ZNF138: variants seen among roughly 807,000 people sequenced by gnomAD.
ZNF138 encodes the protein zinc finger protein 138 (clone pHZ-32).
Under a neutral mutation model 33.0 loss-of-function variants are expected in ZNF138, and 33 were observed. The ratio of observed to expected loss-of-function variants is 1.00; its 90% CI spans 0.76 to 1.34. The LOEUF is 1.34. Among genes scored for constraint, ZNF138 ranks in the 40% most tolerant of loss-of-function variants. The pLI is 0.00. For synonymous variants in ZNF138, 139 were observed against 120.4 expected, an observed-to-expected ratio of 1.15 and a Z score of -1.01; for missense variants, 360 against 370.8, an observed-to-expected ratio of 0.97 and a Z score of 0.24.
At chr7:64,828,478 T>C (rs926421766) in intron 3 of ZNF138, among the ~76,000 whole-genome samples, 1 of 152,190 alleles carries the variant, frequency 6.6e-6, no homozygotes, top group Non-Finnish European at 1.5e-5. Flanking sequence ...TGAAGATTTA[T>C]GCTTATAGTT....
At chr7:64,839,961 A>G in the ZNF138 span, among the ~76,000 whole-genome samples, 8 of 151,958 alleles carry the variant, frequency 5.3e-5, no homozygotes, top group Admixed American at 3.3e-4. Context: ...GGTGCAGCGC[A>G]CTTTTATGGA....
intron 3 of ZNF138, among the ~76,000 whole-genome samples, chr7:64,822,294 A>T (rs551723030): frequency 3.0e-4 from 46 of 151,570 alleles, no homozygotes; most frequent in Non-Finnish European, 5.9e-4. Context: ...GTGCAGAGAT[A>T]TTGAAGTCTA....
chr7:64,842,989 A>G, the ZNF138 span, among the ~76,000 whole-genome samples: 1 of 152,158 alleles, frequency 6.6e-6, no homozygotes, highest in African/African-American at 2.4e-5. Context: ...CCTTTCTCCT[A>G]AATAACTTGT....
intron 1 of ZNF138, among the ~76,000 whole-genome samples, chr7:64,802,861 A>T (rs1583783088): frequency 6.6e-6 from 1 of 151,970 alleles, no homozygotes; most frequent in Non-Finnish European, 1.5e-5. Context: ...CCCCTGCCCA[A>T]CAGACACAAA....
At chr7:64,837,679 G>A (rs1008050265), downstream of ZNF138, among the ~76,000 whole-genome samples, 1 of 152,170 alleles carries the variant, frequency 6.6e-6, no homozygotes, top group Admixed American at 6.5e-5. Flanking sequence ...GACTGCGGAT[G>A]GTATGGAGTG....
intron 1 of ZNF138, among the ~76,000 whole-genome samples, chr7:64,811,416 A>G (rs1251913766): frequency 6.6e-6 from 1 of 152,098 alleles, no homozygotes; most frequent in East Asian, 1.9e-4. Flanking sequence ...TGGGATCTCG[A>G]CTTACTGCAA....
chr7:64,847,048 G>A, the ZNF138 span, among the ~76,000 whole-genome samples: 2 of 151,932 alleles, frequency 1.3e-5, no homozygotes, highest in Non-Finnish European at 2.9e-5. Context: ...TTCTGTTTAT[G>A]TGGTGTATCA....
the ZNF138 span, among the ~76,000 whole-genome samples, chr7:64,848,557 AT>A: frequency 2.0e-5 from 3 of 150,898 alleles, no homozygotes; most frequent in Non-Finnish European, 3.0e-5. Context: ...TATTTCTTGT[AT>A]TTTTTTTATT....
At chr7:64,841,912 T>G in the ZNF138 span, among the ~76,000 whole-genome samples, 3 of 152,214 alleles carry the variant, frequency 2.0e-5, no homozygotes, top group Non-Finnish European at 4.4e-5. Context: ...TTAGCATTGT[T>G]TTTCTGTTTG....
chr7:64,843,166 A>G, the ZNF138 span, among the ~76,000 whole-genome samples: 2 of 152,230 alleles, frequency 1.3e-5, no homozygotes, highest in Non-Finnish European at 2.9e-5. Flanking sequence ...TTCTTTAAAG[A>G]TGAATAGTAT....
At chr7:64,835,289 T>A (rs149399162), downstream of ZNF138, 1 of 152,360 alleles carries the variant, frequency 6.6e-6, no homozygotes, top group Non-Finnish European at 1.5e-5. Context: ...ATCTGGCTAC[T>A]TCCTGCTGTT....
chr7:64,811,625 T>G (rs537268577), intron 1 of ZNF138, among the ~76,000 whole-genome samples: 1 of 152,368 alleles, frequency 6.6e-6, no homozygotes, highest in South Asian at 2.1e-4. Context: ...GGCCTGTTTT[T>G]CAAATGCAGA....
At chr7:64,827,966 T>A (rs1230996211) in intron 3 of ZNF138, among the ~76,000 whole-genome samples, 1 of 152,308 alleles carries the variant, frequency 6.6e-6, no homozygotes. Flanking sequence ...ACTGCCGATA[T>A]AATTCTCTGT....
the ZNF138 span, among the ~76,000 whole-genome samples, chr7:64,849,085 C>T: frequency 3.9e-5 from 6 of 152,188 alleles, no homozygotes; most frequent in East Asian, 1.9e-4. Flanking sequence ...AGGCTATGTC[C>T]GAGGGAGTGT....
intron 1 of ZNF138, among the ~76,000 whole-genome samples, chr7:64,801,320 A>T (rs923317972): frequency 6.6e-6 from 1 of 152,144 alleles, no homozygotes; most frequent in Admixed American, 6.5e-5. Context: ...TTTTTCTGTT[A>T]GCACTGCATT....
At chr7:64,823,340 T>C (rs1789319852) in intron 3 of ZNF138, among the ~76,000 whole-genome samples, 1 of 152,124 alleles carries the variant, frequency 6.6e-6, no homozygotes, top group African/African-American at 2.4e-5. Flanking sequence ...TTTAAATGCA[T>C]TTGTTGCTGT....
At chr7:64,813,886 T>C (rs1164336967) in intron 1 of ZNF138, among the ~76,000 whole-genome samples, 2 of 152,248 alleles carry the variant, frequency 1.3e-5, no homozygotes, top group Non-Finnish European at 2.9e-5. Context: ...TAAAGAGCTC[T>C]TGGACAGATT....
chr7:64,832,848 T>A lies in ZNF138; in HGVS notation c.*646T>A. Reference sequence around the variant, plus strand: ...AGAGAAACCCTACAAATGTGAAGAATGTGGCATATCTTTTAACCAGTTCTC... The same window carrying A: ...AGAGAAACCCTACAAATGTGAAGAAAGTGGCATATCTTTTAACCAGTTCTC... On this transcript the variant is annotated 3_prime_UTR_variant, in exon 4 of 4. Coordinates refer to ENST00000307355, the MANE Select transcript of ZNF138 (RefSeq NM_001271639.2). The A allele has an allele frequency of 2.3e-6, 1 of 438,418 alleles. No individual in the cohort carries two copies. The highest frequency in any genetic ancestry group is 4.6e-6 in the Non-Finnish European group (1 of 216,618). 27.2% of individuals were successfully genotyped at this position (438,418 alleles called of 1,614,324 possible). A position where few individuals can be genotyped will look rare whatever the true frequency, so the allele number is the denominator to read the frequency against.
chr7:64,821,126 G>T (rs971034373), intron 3 of ZNF138, among the ~76,000 whole-genome samples: 1 of 150,288 alleles, frequency 6.7e-6, no homozygotes, highest in African/African-American at 2.5e-5. Context: ...GTCTGGCTCC[G>T]TCGCCCAGGC....
Sources: allele counts gnomAD v4.1 joint callset (sites outside exome capture counted in the v4.1 genomes callset), GRCh38; gene constraint gnomAD v4.1.1; transcripts MANE v1.5; gene names NCBI Gene and HGNC (gene_info 2026-07-23, HGNC 2026-07-21).